DCAF6: variants seen among roughly 807,000 people sequenced by gnomAD.
DCAF6 encodes the protein DDB1- and CUL4-associated factor 6.
In DCAF6, 54 loss-of-function variants were observed where a neutral mutation model predicts 125.1. The ratio of observed to expected loss-of-function variants is 0.43; its 90% CI spans 0.35 to 0.54. The LOEUF (loss-of-function observed/expected upper bound fraction) is 0.54, where lower values mean the gene tolerates loss of function less well. DCAF6 is among the 20% of genes least tolerant of loss of function. DCAF6 has a pLI of 0.01. For synonymous variants in DCAF6, 371 were observed against 390.4 expected (o/e 0.95, Z 0.58); for missense variants, 934 against 1,161.7 (o/e 0.80, Z 2.85).
intron 17 of DCAF6, among the ~76,000 whole-genome samples, chr1:168,062,090 C>T (rs1691663795): frequency 6.6e-6 from 1 of 152,048 alleles, no homozygotes; most frequent in African/African-American, 2.4e-5. Flanking sequence ...GAATGAACTA[C>T]AGCCAAGTAC....
intron 13 of DCAF6, among the ~76,000 whole-genome samples, chr1:168,040,049 G>C (rs1357384679): frequency 6.6e-6 from 1 of 152,022 alleles, no homozygotes; most frequent in Admixed American, 6.6e-5. Flanking sequence ...CATATAGTAT[G>C]TTAGAAGGAC....
At chr1:168,072,315 AAAAAAAAAAAG>A (rs1693194321) in intron 21 of DCAF6, among the ~76,000 whole-genome samples, 5 of 149,208 alleles carry the variant, frequency 3.4e-5, no homozygotes, top group African/African-American at 9.9e-5. Context: ...AAAAAAAAAA[AAAAAAAAAAAG>A]AAAAGAAAAG....
At chr1:168,074,169 A>G (rs1462430288) in intron 21 of DCAF6, among the ~76,000 whole-genome samples, 1 of 151,876 alleles carries the variant, frequency 6.6e-6, no homozygotes, top group Non-Finnish European at 1.5e-5. Flanking sequence ...GGACAATTAA[A>G]CAATTAAAAG....
chr1:167,989,356 TAAG>T (rs1680501593), intron 5 of DCAF6, among the ~76,000 whole-genome samples: 1 of 152,036 alleles, frequency 6.6e-6, no homozygotes, highest in Admixed American at 6.6e-5. Flanking sequence ...CCCAGGAAAA[TAAG>T]AAAACAAATC....
At chr1:167,977,711 G>T (rs936867360) in intron 4 of DCAF6, among the ~76,000 whole-genome samples, 3 of 151,720 alleles carry the variant, frequency 2.0e-5, no homozygotes, top group Non-Finnish European at 4.4e-5. Context: ...TTGTAGTCTG[G>T]GGAAATTCTG....
chr1:167,932,824 A>G (rs1437112467), upstream of DCAF6, among the ~76,000 whole-genome samples: 3 of 150,758 alleles, frequency 2.0e-5, no homozygotes, highest in African/African-American at 4.9e-5. Context: ...AAAAAAAAAA[A>G]AAAGAAAAGA....
intron 3 of DCAF6, among the ~76,000 whole-genome samples, chr1:167,973,418 T>C (rs1677646251): frequency 1.3e-5 from 2 of 152,232 alleles, no homozygotes; most frequent in Admixed American, 6.5e-5. Flanking sequence ...CTGAATATTC[T>C]TTCCTAACAG....
chr1:167,966,554 CG>C, intron 2 of DCAF6, 74 bp from the exon 3 acceptor site: 2 of 945,724 alleles, frequency 2.1e-6, no homozygotes, highest in Non-Finnish European at 3.4e-6. Context: ...AATTTTGTAC[CG>C]CCAGGTGAGT....
At chr1:167,925,546 G>GTTT in the DCAF6 span, among the ~76,000 whole-genome samples, 7 of 101,838 alleles carry the variant, frequency 6.9e-5, no homozygotes, top group African/African-American at 2.5e-4. Context: ...TTTTTTTTTG[G>GTTT]TTTTTTTTGT....
At chr1:167,898,546 C>A in the DCAF6 span, among the ~76,000 whole-genome samples, 12 of 151,102 alleles carry the variant, frequency 7.9e-5, no homozygotes, top group Non-Finnish European at 1.8e-4. Flanking sequence ...TTGCAGTGAG[C>A]CGAGATCACG....
rs549569296 is a variant in DCAF6 at position 168,009,825 on chromosome 1, A to G, written c.1378+5032A>G. Among the ~76,000 whole-genome samples, 5 of 118,468 alleles carry G rather than the reference A, an allele frequency of 4.2e-5. No homozygotes were observed. In the East Asian group the frequency reaches 9.6e-4, roughly 23 times the overall value. The allele number at this position is 118,468 out of a possible 152,430, so 77.7% of individuals were successfully genotyped here. ...TAACCCTGTTTATTTTGTGAAAAGC[A>G]ATTATAAAAATTTATAATTTTCTTT... On this transcript the variant is annotated intron_variant, in intron 10 of 21. Coordinates refer to ENST00000367840, the MANE Select transcript of DCAF6 (RefSeq NM_001198956.2).
chr1:167,907,350 G>A, the DCAF6 span, among the ~76,000 whole-genome samples: 6 of 152,102 alleles, frequency 3.9e-5, no homozygotes, highest in Non-Finnish European at 5.9e-5. Flanking sequence ...AAATAACAAA[G>A]GCTTATTTCT....
rs750454705 is a variant in DCAF6 at position 168,005,117 on chromosome 1, GATTT to G, written c.1378+329_1378+332del. On this transcript the variant is annotated intron_variant, in intron 10 of 21. Coordinates refer to ENST00000367840, the MANE Select transcript of DCAF6 (RefSeq NM_001198956.2). The stretch of plus-strand genomic sequence containing the variant: ...TATTAGAGACCAAAATATCTTTCTA[GATTT>G]ATTTGGTTTTATGTCTATATTAAAG... 2.2e-4 allele frequency among the ~76,000 whole-genome samples: 34 copies of G among 152,054 alleles called. No homozygotes were observed. The East Asian group carries it at 3.9e-3, about 17-fold the overall frequency.
intron 2 of DCAF6, among the ~76,000 whole-genome samples, chr1:167,955,975 G>T (rs1012220561): frequency 6.6e-6 from 1 of 152,098 alleles, no homozygotes; most frequent in Non-Finnish European, 1.5e-5. Flanking sequence ...TGCCCGTCTG[G>T]TCTTGAACTC....
chr1:167,987,387 G>T (rs1680162187), intron 4 of DCAF6, 108 bp from the exon 5 acceptor site: 1 of 591,234 alleles, frequency 1.7e-6, no homozygotes, highest in South Asian at 2.6e-5. Flanking sequence ...AAAATGCATG[G>T]TTTTTGTAAC....
intron 2 of DCAF6, among the ~76,000 whole-genome samples, chr1:167,955,155 T>G (rs1234776520): frequency 6.6e-6 from 1 of 152,250 alleles, no homozygotes; most frequent in Non-Finnish European, 1.5e-5. Context: ...GGATAAATCA[T>G]AATGTTTATC....
At chr1:167,896,815 A>T in the DCAF6 span, 1 of 699,590 alleles carries the variant, frequency 1.4e-6, no homozygotes, top group Non-Finnish European at 2.5e-6. Context: ...CTTAAACACC[A>T]AGACTATTTG....
In DCAF6 at chr1:167,993,508, G is replaced by C. The variant is rs193050023; in HGVS notation, c.903+68G>C. On this transcript the variant is annotated intron_variant, in intron 7 of 21. Transcript: ENST00000367840. The stretch of plus-strand genomic sequence containing the variant: ...CTCACGCCTGTAATCCCAGCGCTTT[G>C]GGAGGCCGAGGTGGGTGGATCACCT... The C allele has an allele frequency of 9.4e-5, 124 of 1,319,574 alleles. No homozygotes were observed. In the African/African-American group the frequency reaches 1.7e-3, roughly 18 times the overall value. 81.7% of individuals were successfully genotyped at this position (1,319,574 alleles called of 1,614,324 possible). A position where few individuals can be genotyped will look rare whatever the true frequency, so the allele number is the denominator to read the frequency against.
At chr1:167,962,242 T>TAGG (rs1471513292) in intron 2 of DCAF6, among the ~76,000 whole-genome samples, 11 of 152,084 alleles carry the variant, frequency 7.2e-5, no homozygotes, top group Non-Finnish European at 1.0e-4. Context: ...ACTGTGTCCT[T>TAGG]ACTGATTTTC....
Sources: gnomAD v4.1 joint callset for allele counts (sites outside exome capture counted in the v4.1 genomes callset) on GRCh38, gnomAD v4.1.1 for gene constraint, MANE v1.5 for transcripts, NCBI Gene and HGNC (gene_info 2026-07-23, HGNC 2026-07-21) for gene names.